ANK2: variants seen among roughly 807,000 people sequenced by gnomAD.
ANK2 encodes the protein ankyrin-2.
Under a neutral mutation model 360.5 loss-of-function variants are expected in ANK2, and 83 were observed. The observed-to-expected ratio is 0.23, with a 90% CI of 0.19 to 0.28. The LOEUF is 0.28. Among genes scored for constraint, ANK2 ranks in the 10% least tolerant of loss-of-function variants. The pLI is 1.00. For missense variants in ANK2, 4,201 were observed against 4,795.7 expected (o/e 0.88, Z 3.66); for synonymous variants, 1,740 against 1,759.5 (o/e 0.99, Z 0.28).
At chr4:112,763,041 C>G in the ANK2 span, among the ~76,000 whole-genome samples, 1 of 152,172 alleles carries the variant, frequency 6.6e-6, no homozygotes, top group African/African-American at 2.4e-5. Context: ...TAATTTGGAT[C>G]AGTGTAAAGT....
chr4:112,792,869 G>A, the ANK2 span, among the ~76,000 whole-genome samples: 94,735 of 151,976 alleles, frequency 0.62, 31,293 homozygotes, highest in East Asian at 0.93. Flanking sequence ...TTTGCATGGT[G>A]TGCTATTTCT....
the ANK2 span, among the ~76,000 whole-genome samples, chr4:112,706,548 T>C: frequency 2.6e-5 from 4 of 152,114 alleles, no homozygotes; most frequent in African/African-American, 9.6e-5. Context: ...CACACCCAGC[T>C]GTCACATGAC....
At chr4:113,194,701 A>G (rs575562737) in intron 2 of ANK2, among the ~76,000 whole-genome samples, 22 of 152,262 alleles carry the variant, frequency 1.4e-4, no homozygotes, top group Admixed American at 1.3e-3. Context: ...ATCAAAGATG[A>G]TATCATGTCT....
chr4:113,184,757 G>A (rs1192724674), intron 2 of ANK2, among the ~76,000 whole-genome samples: 4 of 151,830 alleles, frequency 2.6e-5, no homozygotes, highest in East Asian at 1.9e-4. Flanking sequence ...TGTGCAGAAC[G>A]TGCAGGTTTG....
At chr4:113,288,578 T>C in intron 20 of ANK2, 92 bp downstream of exon 20, 1 of 1,055,406 alleles carries the variant, frequency 9.5e-7, no homozygotes, top group Non-Finnish European at 1.4e-6. Flanking sequence ...CAAGTGTATT[T>C]TTTTCTTCCT....
chr4:112,717,153 G>T, the ANK2 span, among the ~76,000 whole-genome samples: 524 of 152,218 alleles, frequency 3.4e-3, 2 homozygotes, highest in Admixed American at 7.1e-3. Context: ...CAGGCACTTG[G>T]TATTAAAAGC....
intron 22 of ANK2, among the ~76,000 whole-genome samples, chr4:113,298,634 A>G (rs1228492731): frequency 6.6e-6 from 1 of 152,240 alleles, no homozygotes; most frequent in African/African-American, 2.4e-5. Flanking sequence ...CATCTATTAT[A>G]TACCATTTCT....
the ANK2 span, among the ~76,000 whole-genome samples, chr4:112,793,394 T>C: frequency 5.3e-5 from 8 of 152,176 alleles, no homozygotes; most frequent in Non-Finnish European, 7.4e-5. Context: ...ATAATATTTA[T>C]ATTTTTCAGA....
At chr4:112,929,525 T>C (rs1003469175) in intron 2 of ANK2, among the ~76,000 whole-genome samples, 1 of 152,248 alleles carries the variant, frequency 6.6e-6, no homozygotes, top group Non-Finnish European at 1.5e-5. Flanking sequence ...TTCATTGTGT[T>C]ATTGTGTTCA....
chr4:113,141,332 G>A (rs13435324), intron 1 of ANK2: 24,385 of 152,002 alleles, frequency 0.16, 3,005 homozygotes, highest in East Asian at 0.51. Flanking sequence ...AGCCCAGAGA[G>A]TGAGAAACCA....
At chr4:113,156,950 C>A (rs988034486) in intron 1 of ANK2, among the ~76,000 whole-genome samples, 7 of 151,684 alleles carry the variant, frequency 4.6e-5, no homozygotes, top group Non-Finnish European at 1.0e-4. Context: ...CATATATATC[C>A]TTTTTAAGAG....
At chr4:113,333,290 G>GTGTGTT in intron 29 of ANK2, 82 bp downstream of exon 29, 5 of 1,476,808 alleles carry the variant, frequency 3.4e-6, no homozygotes, top group Non-Finnish European at 4.7e-6. Flanking sequence ...ACCTAGGGGT[G>GTGTGTT]TGTGTATATG....
At chr4:113,105,613 G>C (rs955129668) in intron 1 of ANK2, among the ~76,000 whole-genome samples, 6 of 152,044 alleles carry the variant, frequency 3.9e-5, no homozygotes, top group African/African-American at 1.4e-4. Flanking sequence ...TTTCCACTTG[G>C]GTCAGCTATA....
At chr4:113,292,848 T>C (rs1025508827) in intron 21 of ANK2, 5 of 398,352 alleles carry the variant, frequency 1.3e-5, no homozygotes, top group Non-Finnish European at 1.9e-5. Flanking sequence ...GGGAGCACAG[T>C]AAGGGAGCTG....
Position 113,076,996 on chromosome 4 carries a change from A to C in ANK2, c.84+27184A>C, listed in dbSNP as rs149979264. Among the ~76,000 whole-genome samples, 1,094 of 151,398 alleles carry C rather than the reference A, an allele frequency of 7.2e-3. 15 individuals carry two copies. The highest frequency in any genetic ancestry group is 0.025 in the African/African-American group (1,024 of 41,074). ...CTACTTACCATTAAAGAAAGGAAAA[A>C]GAAGGAAGGAAGGAAAGAAGGAAGG... On this transcript the variant is annotated intron_variant, in intron 1 of 45. Coordinates refer to ENST00000357077, the MANE Select transcript of ANK2 (RefSeq NM_001148.6).
At chr4:112,748,585 T>A in the ANK2 span, among the ~76,000 whole-genome samples, 1 of 152,198 alleles carries the variant, frequency 6.6e-6, no homozygotes, top group African/African-American at 2.4e-5. Context: ...AGACAGCACA[T>A]TCCTGTTTGA....
intron 1 of ANK2, chr4:113,117,389 C>A (rs1420988261): frequency 2.2e-6 from 1 of 456,034 alleles, no homozygotes; most frequent in Non-Finnish European, 4.4e-6. Flanking sequence ...ACGGAAAATC[C>A]CCAGAGAACG....
intron 2 of ANK2, among the ~76,000 whole-genome samples, chr4:112,959,713 T>A (rs2033686814): frequency 6.6e-6 from 1 of 152,214 alleles, no homozygotes; most frequent in Non-Finnish European, 1.5e-5. Flanking sequence ...TAAATAGTGG[T>A]GCTTCTATGG....
rs147319655 is a variant in ANK2 at position 113,255,263 on chromosome 4, A to G, written c.991-472A>G. On this transcript the variant is annotated intron_variant, in intron 10 of 45. Transcript: ENST00000357077. ...AGGAATTGTAAAATTTCAGAGGAAC[A>G]TGGATCTAAAAGATGGTCAAAGTTT... Among the ~76,000 whole-genome samples the G allele has an allele frequency of 2.7e-4, 41 of 152,354 alleles. 1 individual carries two copies. Among genetic ancestry groups the G allele is most frequent in the South Asian group, 2.1e-3 (10 of 4,830 alleles).
Sources: allele counts gnomAD v4.1 joint callset (sites outside exome capture counted in the v4.1 genomes callset), GRCh38; gene constraint gnomAD v4.1.1; transcripts MANE v1.5; gene names NCBI Gene and HGNC (gene_info 2026-07-23, HGNC 2026-07-21).